Variants in QTMAN observed in about 807,000 individuals in gnomAD.
QTMAN encodes queuosine-tRNA mannosyltransferase.
the QTMAN span, among the ~76,000 whole-genome samples, chr2:144,131,944 T>C: frequency 1.3e-5 from 2 of 151,848 alleles, no homozygotes; most frequent in Admixed American, 1.3e-4. Flanking sequence ...ATAAAGGATA[T>C]CCATTATGAT....
chr2:144,066,466 C>T, the QTMAN span, among the ~76,000 whole-genome samples: 2 of 152,128 alleles, frequency 1.3e-5, no homozygotes, highest in African/African-American at 2.4e-5. Context: ...AAATGGTGTC[C>T]CCTATTCTTC....
chr2:144,291,346 C>A, the QTMAN span, among the ~76,000 whole-genome samples: 1 of 152,214 alleles, frequency 6.6e-6, no homozygotes, highest in South Asian at 2.1e-4. Flanking sequence ...ACAGAGGAAG[C>A]TGAGAGGGAG....
At chr2:144,050,970 C>T in the QTMAN span, among the ~76,000 whole-genome samples, 1 of 152,064 alleles carries the variant, frequency 6.6e-6, no homozygotes, top group African/African-American at 2.4e-5. Context: ...TTAACTATAT[C>T]TTTAGGAAAG....
chr2:144,241,870 G>T, the QTMAN span, among the ~76,000 whole-genome samples: 1 of 151,906 alleles, frequency 6.6e-6, no homozygotes, highest in Non-Finnish European at 1.5e-5. Context: ...TGAAAAGAAA[G>T]AAAGAAATCA....
At chr2:144,243,172 G>A in the QTMAN span, among the ~76,000 whole-genome samples, 17 of 151,914 alleles carry the variant, frequency 1.1e-4, no homozygotes, top group Admixed American at 8.5e-4. Flanking sequence ...CAAAAACTAC[G>A]CTCAGAAACT....
the QTMAN span, among the ~76,000 whole-genome samples, chr2:143,996,007 A>G: frequency 0.054 from 8,231 of 152,184 alleles, 387 homozygotes; most frequent in African/African-American, 0.12. Flanking sequence ...ACTTATGATC[A>G]CCACTGCTAC....
At chr2:144,032,410 G>A in the QTMAN span, among the ~76,000 whole-genome samples, 1 of 152,188 alleles carries the variant, frequency 6.6e-6, no homozygotes, top group Non-Finnish European at 1.5e-5. Flanking sequence ...GAATAGTAGT[G>A]CTATTGTTAA....
chr2:143,944,092 TG>T, the QTMAN span: 3 of 151,980 alleles, frequency 2.0e-5, no homozygotes, highest in Admixed American at 6.6e-5. Context: ...CAATAAATGA[TG>T]GGGGTGGTTG....
chr2:144,295,164 T>C, the QTMAN span: 1 of 152,206 alleles, frequency 6.6e-6, no homozygotes, highest in Admixed American at 6.5e-5. Context: ...CTCCAGCTTC[T>C]CTCAATGCGC....
chr2:144,011,987 T>C, the QTMAN span, among the ~76,000 whole-genome samples: 1 of 152,162 alleles, frequency 6.6e-6, no homozygotes, highest in Non-Finnish European at 1.5e-5. Flanking sequence ...TCCAAATCTC[T>C]TAGAAACTCC....
At chr2:144,270,998 TAAGTA>T in the QTMAN span, among the ~76,000 whole-genome samples, 1 of 152,236 alleles carries the variant, frequency 6.6e-6, no homozygotes, top group Non-Finnish European at 1.5e-5. Flanking sequence ...TCACTTTCTC[TAAGTA>T]AAGATTACAA....
chr2:144,302,058 C>A, the QTMAN span, among the ~76,000 whole-genome samples: 1 of 152,120 alleles, frequency 6.6e-6, no homozygotes, highest in Admixed American at 6.6e-5. Context: ...ACACACCTAG[C>A]TATAAGCCTC....
chr2:144,184,944 G>A, the QTMAN span, among the ~76,000 whole-genome samples: 6 of 152,162 alleles, frequency 3.9e-5, no homozygotes, highest in East Asian at 5.8e-4. Context: ...TATATGATAC[G>A]GGACTTACCA....
At chr2:144,255,682 A>T in the QTMAN span, among the ~76,000 whole-genome samples, 2 of 152,248 alleles carry the variant, frequency 1.3e-5, no homozygotes, top group Non-Finnish European at 2.9e-5. Context: ...GTTACCAGGG[A>T]TTCTGAAGGA....
chr2:144,304,951 G>C, the QTMAN span, among the ~76,000 whole-genome samples: 1 of 152,112 alleles, frequency 6.6e-6, no homozygotes. Context: ...TTTTTGAATT[G>C]TCTTGATTAT....
chr2:144,237,373 T>C, the QTMAN span: 109 of 152,246 alleles, frequency 7.2e-4, no homozygotes, highest in African/African-American at 2.5e-3. Context: ...AGAGTAGCTA[T>C]TCTAGAAGAC....
At chr2:144,057,977 C>G in the QTMAN span, among the ~76,000 whole-genome samples, 2 of 151,792 alleles carry the variant, frequency 1.3e-5, no homozygotes, top group Non-Finnish European at 1.5e-5. Flanking sequence ...CCACAGCTGG[C>G]TATATGGGAG....
At chr2:144,195,977 A>G in the QTMAN span, among the ~76,000 whole-genome samples, 96 of 152,266 alleles carry the variant, frequency 6.3e-4, no homozygotes, top group African/African-American at 2.2e-3. Flanking sequence ...CAGTAATGGC[A>G]TTGAGCTATT....
At chr2:144,043,227 TTGTG>T in the QTMAN span, among the ~76,000 whole-genome samples, 5,369 of 148,642 alleles carry the variant, frequency 0.036, 91 homozygotes, top group Middle Eastern at 0.086. Flanking sequence ...ATGTGTGAAT[TTGTG>T]TGTGTGTGTG....
Sources: gnomAD v4.1 joint callset for allele counts (sites outside exome capture counted in the v4.1 genomes callset) on GRCh38, gnomAD v4.1.1 for gene constraint, MANE v1.5 for transcripts, NCBI Gene and HGNC (gene_info 2026-07-23, HGNC 2026-07-21) for gene names.